The following GPHN variants were observed in gnomAD, a reference collection of about 807,000 sequenced individuals.
GPHN encodes the protein gephyrin.
GPHN carries 17 observed loss-of-function variants against 95.5 expected under a neutral mutation model. The ratio of observed to expected loss-of-function variants is 0.18; its 90% CI spans 0.12 to 0.27. GPHN has a LOEUF of 0.27. Ranked by LOEUF, GPHN falls within the 10% of genes least tolerant of loss-of-function variation. GPHN has a pLI of 1.00. For missense variants in GPHN, 660 were observed against 978.1 expected (o/e 0.67, Z 4.34); for synonymous variants, 320 against 322.5 (o/e 0.99, Z 0.08).
intron 9 of GPHN, among the ~76,000 whole-genome samples, chr14:66,973,704 AG>A (rs2153593630): frequency 6.6e-6 from 1 of 152,322 alleles, no homozygotes; most frequent in South Asian, 2.1e-4. Context: ...GGTTGCAGTG[AG>A]CTGAGCTCAC....
At chr14:66,609,052 T>A (rs1171804255) in intron 1 of GPHN, among the ~76,000 whole-genome samples, 1 of 152,154 alleles carries the variant, frequency 6.6e-6, no homozygotes, top group African/African-American at 2.4e-5. Context: ...TTTGTAGAGT[T>A]GTTTGCATAG....
intron 11 of GPHN, among the ~76,000 whole-genome samples, chr14:67,060,955 C>T (rs1230776600): frequency 6.6e-6 from 1 of 152,150 alleles, no homozygotes; most frequent in Non-Finnish European, 1.5e-5. Flanking sequence ...CTTATTTTGT[C>T]GACAATACTT....
At chr14:67,394,917 C>T in the GPHN span, among the ~76,000 whole-genome samples, 1 of 152,114 alleles carries the variant, frequency 6.6e-6, no homozygotes, top group Non-Finnish European at 1.5e-5. Flanking sequence ...TGTGTGATGC[C>T]CTGCACTGCC....
At chr14:67,626,341 G>C in the GPHN span, among the ~76,000 whole-genome samples, 3 of 152,124 alleles carry the variant, frequency 2.0e-5, no homozygotes, top group Non-Finnish European at 4.4e-5. Context: ...ACAATACCAA[G>C]TATTGGTGAG....
At chr14:67,264,867 AG>A in the GPHN span, among the ~76,000 whole-genome samples, 1 of 152,226 alleles carries the variant, frequency 6.6e-6, no homozygotes, top group South Asian at 2.1e-4. Context: ...TTTACATCTG[AG>A]AAAGATGTAT....
chr14:67,453,273 CT>C, the GPHN span, among the ~76,000 whole-genome samples: 1 of 152,218 alleles, frequency 6.6e-6, no homozygotes, highest in Admixed American at 6.5e-5. Flanking sequence ...CAAAGTGCCC[CT>C]CTTCCTGGCT....
chr14:66,880,080 T>C, intron 5 of GPHN, 47 bp downstream of exon 5: 1 of 1,134,508 alleles, frequency 8.8e-7, no homozygotes, highest in Admixed American at 1.7e-5. Flanking sequence ...AGGTGAACTG[T>C]TTCCGTGATA....
At chr14:67,679,404 GT>G in the GPHN span, among the ~76,000 whole-genome samples, 281 of 140,760 alleles carry the variant, frequency 2.0e-3, no homozygotes, top group Admixed American at 2.4e-3. Context: ...TTAATTCCAA[GT>G]TTTTTTTTTT....
intron 1 of GPHN, among the ~76,000 whole-genome samples, chr14:66,604,173 G>A (rs977504695): frequency 2.6e-5 from 4 of 152,042 alleles, no homozygotes; most frequent in Non-Finnish European, 5.9e-5. Flanking sequence ...CCTTTGTAGA[G>A]CTGCAAAGTA....
chr14:67,089,193 G>A (rs1392979747), intron 12 of GPHN, 118 bp downstream of exon 12: 3 of 560,592 alleles, frequency 5.4e-6, no homozygotes, highest in Non-Finnish European at 9.3e-6. Context: ...CCCAGCAACT[G>A]TTAGGTTTGT....
At chr14:66,727,750 G>T (rs940631071) in intron 2 of GPHN, among the ~76,000 whole-genome samples, 1 of 152,168 alleles carries the variant, frequency 6.6e-6, no homozygotes, top group African/African-American at 2.4e-5. Context: ...AGTTTTAAAA[G>T]GGAAACAGAA....
the GPHN span, among the ~76,000 whole-genome samples, chr14:67,640,876 G>C: frequency 6.6e-6 from 1 of 152,216 alleles, no homozygotes; most frequent in Non-Finnish European, 1.5e-5. Context: ...GTAAAGGATA[G>C]AGGTTGAGCG....
At chr14:66,917,207 A>C (rs1277100026) in intron 6 of GPHN, among the ~76,000 whole-genome samples, 1 of 152,134 alleles carries the variant, frequency 6.6e-6, no homozygotes, top group Non-Finnish European at 1.5e-5. Context: ...GAATTTCCCA[A>C]TACACTTAGC....
chr14:67,173,747 A>G (rs2082733012), intron 21 of GPHN, among the ~76,000 whole-genome samples: 1 of 152,194 alleles, frequency 6.6e-6, no homozygotes. Flanking sequence ...AATAAATGCA[A>G]AGTAATTATC....
At chr14:66,597,551 G>A (rs899286028) in intron 1 of GPHN, among the ~76,000 whole-genome samples, 1 of 152,172 alleles carries the variant, frequency 6.6e-6, no homozygotes, top group African/African-American at 2.4e-5. Flanking sequence ...GGAGTGGGGA[G>A]AGGCCAGGCA....
At chr14:67,085,171 A>G (rs189140651) in intron 11 of GPHN, among the ~76,000 whole-genome samples, 1 of 152,334 alleles carries the variant, frequency 6.6e-6, no homozygotes, top group African/African-American at 2.4e-5. Flanking sequence ...TGGGGAGTAA[A>G]TATTATTGCA....
intron 8 of GPHN, among the ~76,000 whole-genome samples, chr14:66,944,377 A>G (rs893933322): frequency 3.3e-5 from 5 of 152,254 alleles, no homozygotes; most frequent in African/African-American, 1.2e-4. Flanking sequence ...AAACATTGCC[A>G]CATGGTTACA....
chr14:66,957,187 CTTTTTTTT>C (rs1157690518), intron 8 of GPHN, among the ~76,000 whole-genome samples: 1 of 84,832 alleles, frequency 1.2e-5, no homozygotes, highest in East Asian at 4.1e-4. Flanking sequence ...TTCTTTCTTT[CTTTTTTTT>C]TTTTTTTTTT....
the GPHN span, among the ~76,000 whole-genome samples, chr14:67,367,029 C>T: frequency 6.6e-6 from 1 of 151,922 alleles, no homozygotes; most frequent in African/African-American, 2.4e-5. Flanking sequence ...AGAAAGGAGG[C>T]GGCAGGCACA....
Sources: gnomAD v4.1 joint callset for allele counts (sites outside exome capture counted in the v4.1 genomes callset) on GRCh38, gnomAD v4.1.1 for gene constraint, MANE v1.5 for transcripts, NCBI Gene and HGNC (gene_info 2026-07-23, HGNC 2026-07-21) for gene names.